The following GPC5 variants were observed in gnomAD, a reference collection of about 807,000 sequenced individuals.
The protein encoded by GPC5 is glypican 5.
GPC5 carries 47 observed loss-of-function variants against 53.9 expected under a neutral mutation model. The ratio of observed to expected loss-of-function variants is 0.87; its 90% CI spans 0.69 to 1.11. GPC5 has a LOEUF of 1.11. Among genes scored for constraint, GPC5 ranks in the 50% most tolerant of loss-of-function variants. The pLI, the probability that GPC5 is intolerant of heterozygous loss-of-function variation, is 0.00. For synonymous variants in GPC5, 286 were observed against 263.3 expected (o/e 1.09, Z -0.84); for missense variants, 748 against 713.1 (o/e 1.05, Z -0.56).
chr13:91,897,140 C>T (rs1251614844), intron 5 of GPC5, among the ~76,000 whole-genome samples: 2 of 151,984 alleles, frequency 1.3e-5, no homozygotes, highest in Non-Finnish European at 2.9e-5. Flanking sequence ...TTGGACAGGA[C>T]TTTAAGTTGG....
intron 6 of GPC5, among the ~76,000 whole-genome samples, chr13:92,031,781 TATATTAC>T (rs1268816024): frequency 1.9e-5 from 2 of 105,876 alleles, no homozygotes; most frequent in African/African-American, 4.0e-5. Flanking sequence ...TAATATATAA[TATATTAC>T]ATATTATATA....
intron 2 of GPC5, among the ~76,000 whole-genome samples, chr13:91,467,373 G>T (rs1566425255): frequency 6.6e-6 from 1 of 152,148 alleles, no homozygotes; most frequent in African/African-American, 2.4e-5. Flanking sequence ...CCAAGTGTGG[G>T]GTGAGGATGG....
chr13:92,806,371 C>G (rs1594519909), intron 7 of GPC5, among the ~76,000 whole-genome samples: 1 of 152,050 alleles, frequency 6.6e-6, no homozygotes, highest in African/African-American at 2.4e-5. Context: ...CCGACGTTTT[C>G]TACCTCAGCA....
intron 5 of GPC5, among the ~76,000 whole-genome samples, chr13:91,852,653 A>G (rs2038927202): frequency 6.6e-6 from 1 of 152,074 alleles, no homozygotes; most frequent in South Asian, 2.1e-4. Context: ...TCTTGGGAGT[A>G]TGTCTTCTCT....
chr13:92,297,774 T>C (rs1219636032), intron 7 of GPC5, among the ~76,000 whole-genome samples: 2 of 151,998 alleles, frequency 1.3e-5, no homozygotes, highest in Admixed American at 6.6e-5. Context: ...CGAGCCAGCA[T>C]TGGCAACCCG....
At chr13:92,663,857 T>A (rs9561102) in intron 7 of GPC5, among the ~76,000 whole-genome samples, 4 of 1,966 alleles carry the variant, frequency 2.0e-3, no homozygotes, top group Admixed American at 7.4e-3. Flanking sequence ...ACACACACAC[T>A]ATATATATAT....
At chr13:91,944,445 A>ATAC (rs1566355789) in intron 6 of GPC5, among the ~76,000 whole-genome samples, 3 of 152,282 alleles carry the variant, frequency 2.0e-5, no homozygotes, top group Admixed American at 2.0e-4. Flanking sequence ...TAATGTGTTC[A>ATAC]TACTATTATG....
chr13:92,699,571 A>G (rs1887663432), intron 7 of GPC5, among the ~76,000 whole-genome samples: 1 of 152,202 alleles, frequency 6.6e-6, no homozygotes, highest in African/African-American at 2.4e-5. Context: ...ATTTAGTACT[A>G]TAAATTTCCC....
At chr13:91,696,411 G>C (rs1672741858) in intron 3 of GPC5, among the ~76,000 whole-genome samples, 1 of 152,090 alleles carries the variant, frequency 6.6e-6, no homozygotes, top group South Asian at 2.1e-4. Flanking sequence ...TATGGGAACA[G>C]AAGAAGAAAC....
intron 7 of GPC5, among the ~76,000 whole-genome samples, chr13:92,486,057 A>C (rs990400932): frequency 2.0e-5 from 3 of 152,208 alleles, no homozygotes; most frequent in African/African-American, 7.2e-5. Context: ...CTTCCCTTGG[A>C]GGTCTTAATG....
intron 5 of GPC5, among the ~76,000 whole-genome samples, chr13:91,802,568 A>G (rs2038153351): frequency 6.6e-6 from 1 of 152,274 alleles, no homozygotes; most frequent in East Asian, 1.9e-4. Context: ...GGCCCCACCC[A>G]TGTCCTGCTG....
At chr13:91,708,468 A>G (rs2036156810) in intron 3 of GPC5, among the ~76,000 whole-genome samples, 2 of 152,282 alleles carry the variant, frequency 1.3e-5, no homozygotes, top group South Asian at 4.1e-4. Context: ...AATGTCCAGG[A>G]CAGCAAATTC....
intron 7 of GPC5, among the ~76,000 whole-genome samples, chr13:92,171,061 TTCTC>T (rs1352608368): frequency 6.6e-6 from 1 of 152,114 alleles, no homozygotes; most frequent in Non-Finnish European, 1.5e-5. Context: ...ATCAAGACAC[TTCTC>T]TCTAACTACC....
chr13:92,734,721 T>C (rs945446563), intron 7 of GPC5, among the ~76,000 whole-genome samples: 1 of 151,968 alleles, frequency 6.6e-6, no homozygotes, highest in African/African-American at 2.4e-5. Context: ...ATGTTTTCTT[T>C]GTTGCTTTTC....
chr13:92,293,467 G>A (rs184663936), intron 7 of GPC5, among the ~76,000 whole-genome samples: 21 of 120,374 alleles, frequency 1.7e-4, no homozygotes, highest in Admixed American at 3.7e-4. Context: ...ATTGTAAAAG[G>A]TTGAGTTCTT....
chr13:92,103,397 A>G (rs191379362), intron 6 of GPC5, among the ~76,000 whole-genome samples: 16 of 152,288 alleles, frequency 1.1e-4, no homozygotes, highest in Non-Finnish European at 2.4e-4. Flanking sequence ...ATATAACTCC[A>G]TAGAAGCATA....
intron 4 of GPC5, among the ~76,000 whole-genome samples, chr13:91,730,215 A>G (rs746241843): frequency 6.6e-6 from 1 of 152,204 alleles, no homozygotes; most frequent in Non-Finnish European, 1.5e-5. Flanking sequence ...CCATGGCATT[A>G]TATTTCTGCT....
chr13:92,801,335 GCATCTTAGCTGTTGTAA>G (rs1427200124), intron 7 of GPC5, among the ~76,000 whole-genome samples: 1 of 151,666 alleles, frequency 6.6e-6, no homozygotes, highest in African/African-American at 2.4e-5. Context: ...TTGCCTGGTG[GCATCTTAGCTGTTGTAA>G]CATCTTAGCA....
chr13:91,887,678 A>C (rs1313499694), intron 5 of GPC5, among the ~76,000 whole-genome samples: 1 of 152,200 alleles, frequency 6.6e-6, no homozygotes, highest in Non-Finnish European at 1.5e-5. Context: ...GGCAAGAGCA[A>C]AATGCCACCA....
Sources: gnomAD v4.1 joint callset for allele counts (sites outside exome capture counted in the v4.1 genomes callset) on GRCh38, gnomAD v4.1.1 for gene constraint, MANE v1.5 for transcripts, NCBI Gene and HGNC (gene_info 2026-07-23, HGNC 2026-07-21) for gene names.